Variants in ARID1B observed in about 807,000 individuals in gnomAD.
The protein encoded by ARID1B is AT-rich interactive domain-containing protein 1B.
A neutral mutation model predicts 212.3 loss-of-function variants in ARID1B; 30 were observed. That is an observed-to-expected ratio of 0.14 (90% CI 0.11 to 0.19). ARID1B has a LOEUF of 0.19. Among genes scored for constraint, ARID1B ranks in the 10% least tolerant of loss-of-function variants. ARID1B has a pLI of 1.00. For missense variants in ARID1B, 2,891 were observed against 3,204.0 expected, an observed-to-expected ratio of 0.90 and a Z score of 2.36; for synonymous variants, 1,402 against 1,301.7, an observed-to-expected ratio of 1.08 and a Z score of -1.66.
chr6:156,886,840 A>G (rs1208597397), intron 2 of ARID1B, among the ~76,000 whole-genome samples: 2 of 152,214 alleles, frequency 1.3e-5, no homozygotes, highest in African/African-American at 2.4e-5. Flanking sequence ...TGATCCAGCA[A>G]TATGTGGACT....
intron 2 of ARID1B, among the ~76,000 whole-genome samples, chr6:156,899,252 A>G (rs1231761498): frequency 2.0e-5 from 3 of 152,042 alleles, no homozygotes; most frequent in Non-Finnish European, 2.9e-5. Flanking sequence ...AGGGAATTGG[A>G]CTTAGAGTCC....
chr6:157,178,862 C>T (rs946485683), intron 11 of ARID1B, among the ~76,000 whole-genome samples: 11 of 152,180 alleles, frequency 7.2e-5, no homozygotes, highest in African/African-American at 2.4e-4. Context: ...TTGCTCTGTT[C>T]ATGATTCTAT....
chr6:156,872,799 G>T (rs1340057387), intron 2 of ARID1B, among the ~76,000 whole-genome samples: 1 of 148,834 alleles, frequency 6.7e-6, no homozygotes, highest in African/African-American at 2.5e-5. Flanking sequence ...GCTGTGGAGT[G>T]GATGTTGTTC....
At chr6:157,036,848 C>T (rs1398761089) in intron 4 of ARID1B, 9 of 501,606 alleles carry the variant, frequency 1.8e-5, no homozygotes, top group South Asian at 1.1e-4. Context: ...GAAGTCTTGG[C>T]CTCGGAGGAT....
At chr6:156,821,830 T>TG (rs1225146446) in intron 1 of ARID1B, among the ~76,000 whole-genome samples, 1 of 152,184 alleles carries the variant, frequency 6.6e-6, no homozygotes, top group East Asian at 1.9e-4. Context: ...CTCTGCACCT[T>TG]GCTTAAGAAA....
At position 157,206,159 on chromosome 6, in the gene ARID1B, CTCT is replaced by C. The variant is rs761342039; in HGVS notation, c.5395-7_5395-5del. 3.7e-6 allele frequency: 6 copies of C among 1,612,888 alleles called. No homozygotes were observed. In the African/African-American group the frequency reaches 6.7e-5, roughly 18 times the overall value. ...TTCTTTCTTTCTTCTCCTCCTCCTCCTCTCCAGTTGTCTGGATTTCTCGAACTT... is the reference window on the plus strand; with the variant it reads ...TTCTTTCTTTCTTCTCCTCCTCCTCCCCAGTTGTCTGGATTTCTCGAACTT... On this transcript the variant is annotated splice_region_variant and splice_polypyrimidine_tract_variant and intron_variant, in intron 19 of 19. Coordinates refer to ENST00000636930, the MANE Select transcript of ARID1B (RefSeq NM_001374828.1). The surrounding 1 kb of genome is among the most constrained non-coding windows in gnomAD (Gnocchi z 6.8).
At chr6:157,006,691 T>C (rs1034586013) in intron 4 of ARID1B, among the ~76,000 whole-genome samples, 37 of 152,214 alleles carry the variant, frequency 2.4e-4, no homozygotes, top group African/African-American at 8.9e-4. Context: ...CTCAGAGCAG[T>C]ATGTAGTGTT....
intron 17 of ARID1B, among the ~76,000 whole-genome samples, chr6:157,199,865 C>T (rs181290706): frequency 6.6e-6 from 1 of 152,096 alleles, no homozygotes; most frequent in East Asian, 1.9e-4. Context: ...CGGGGTTTCA[C>T]CATGTTGGCC....
intron 15 of ARID1B, chr6:157,194,729 C>CT (rs1793601395): frequency 6.6e-6 from 1 of 152,058 alleles, no homozygotes. Context: ...AGGTTTTCAC[C>CT]TTTTTTCTTA....
intron 4 of ARID1B, among the ~76,000 whole-genome samples, chr6:156,975,620 T>TTC: frequency 6.7e-6 from 1 of 150,144 alleles, no homozygotes; most frequent in African/African-American, 2.5e-5. Context: ...TTTCTTTTTT[T>TTC]TTTTTTTTTT....
chr6:156,977,372 C>T (rs758247258), intron 4 of ARID1B, among the ~76,000 whole-genome samples: 1 of 148,378 alleles, frequency 6.7e-6, no homozygotes, highest in African/African-American at 2.5e-5. Flanking sequence ...TTTATTTTTC[C>T]TTTGTGGGCT....
rs895408321 is a variant in ARID1B, at chr6:156,957,656, A to G, written c.2247+22080A>G. On this transcript the variant is annotated intron_variant, in intron 4 of 19. Transcript: ENST00000636930. ...CAAATGATGTCTGTTGATATTTAAAATATGTTTCTTTCTGTTTAATTGTAA... is the reference window on the plus strand; with the variant it reads ...CAAATGATGTCTGTTGATATTTAAAGTATGTTTCTTTCTGTTTAATTGTAA... Among the ~76,000 whole-genome samples, 89 of 152,212 alleles carry G rather than the reference A, an allele frequency of 5.8e-4. 1 individual carries two copies. Among genetic ancestry groups the G allele is most frequent in the Admixed American group, 2.0e-4 (3 of 15,282 alleles).
At chr6:156,989,239 C>G (rs1375513524) in intron 4 of ARID1B, among the ~76,000 whole-genome samples, 1 of 152,210 alleles carries the variant, frequency 6.6e-6, no homozygotes, top group South Asian at 2.1e-4. Flanking sequence ...TGTCTCTACT[C>G]CCACGTCTTC....
At chr6:157,137,552 G>A (rs1286216968) in intron 7 of ARID1B, among the ~76,000 whole-genome samples, 1 of 152,056 alleles carries the variant, frequency 6.6e-6, no homozygotes, top group Non-Finnish European at 1.5e-5. Context: ...TTTGTTTTTT[G>A]TGTTCTCTAG....
At chr6:156,859,006 C>T (rs1186401607) in intron 2 of ARID1B, among the ~76,000 whole-genome samples, 1 of 152,136 alleles carries the variant, frequency 6.6e-6, no homozygotes, top group African/African-American at 2.4e-5. Flanking sequence ...ATTATCAACC[C>T]TATACACTTA....
intron 7 of ARID1B, among the ~76,000 whole-genome samples, chr6:157,135,335 T>TA (rs1562647267): frequency 6.6e-6 from 1 of 152,232 alleles, no homozygotes; most frequent in Non-Finnish European, 1.5e-5. Context: ...CCTTTACTGT[T>TA]ACGGTAGCCC....
chr6:157,133,989 G>A (rs573238522), intron 7 of ARID1B, among the ~76,000 whole-genome samples: 4 of 152,204 alleles, frequency 2.6e-5, no homozygotes, highest in African/African-American at 7.2e-5. Context: ...CTTATATTTT[G>A]TTTATTTAAA....
At chr6:157,076,377 A>C (rs913788746) in intron 4 of ARID1B, among the ~76,000 whole-genome samples, 1 of 151,688 alleles carries the variant, frequency 6.6e-6, no homozygotes, top group Non-Finnish European at 1.5e-5. Context: ...TGCAGAGGCT[A>C]TTCACAGGTA....
intron 3 of ARID1B, among the ~76,000 whole-genome samples, chr6:156,934,621 A>G (rs538177702): frequency 2.0e-5 from 3 of 152,228 alleles, no homozygotes; most frequent in African/African-American, 7.2e-5. Context: ...TATGAGCTTA[A>G]TAACGATTTA....
Sources: gnomAD v4.1 joint callset for allele counts (sites outside exome capture counted in the v4.1 genomes callset) on GRCh38, gnomAD v4.1.1 for gene constraint, Gnocchi (gnomAD v3.1) non-coding constraint, MANE v1.5 for transcripts, NCBI Gene and HGNC (gene_info 2026-07-23, HGNC 2026-07-21) for gene names.